PTCH1: variants seen among roughly 807,000 people sequenced by gnomAD.
PTCH1 encodes the protein protein patched homolog 1.
PTCH1 carries 14 observed loss-of-function variants against 144.6 expected under a neutral mutation model. The observed-to-expected ratio is 0.10, with a 90% confidence interval of 0.06 to 0.15. The LOEUF (loss-of-function observed/expected upper bound fraction) is 0.15, where lower values mean the gene tolerates loss of function less well. PTCH1 is among the 10% of genes least tolerant of loss of function. The probability of loss-of-function intolerance (pLI) is 1.00; values close to 1 mark genes in which losing one functional copy is unlikely to be tolerated. For missense variants in PTCH1, 1,623 were observed against 1,948.3 expected (o/e 0.83, Z 3.14); for synonymous variants, 833 against 793.6 (o/e 1.05, Z -0.83).
At chr9:95,506,194 C>G in intron 2 of PTCH1, 1 of 509,324 alleles carries the variant, frequency 2.0e-6, no homozygotes, top group Non-Finnish European at 3.3e-6. Context: ...CACCACACCT[C>G]GGCCGGCGCA....
chr9:95,455,710 C>T (rs1838853349), intron 19 of PTCH1, among the ~76,000 whole-genome samples: 1 of 152,180 alleles, frequency 6.6e-6, no homozygotes, highest in Non-Finnish European at 1.5e-5. Context: ...AATGTAGAGG[C>T]TGGGAGGTCT....
At chr9:95,495,325 C>A (rs1226441196) in intron 2 of PTCH1, 1 of 152,070 alleles carries the variant, frequency 6.6e-6, no homozygotes, top group Non-Finnish European at 1.5e-5. Flanking sequence ...ACCTCAAGTG[C>A]AAAATGTATA....
chr9:95,506,654 C>T lies in PTCH1; in HGVS notation c.202-55G>A, dbSNP rs903711647. On this transcript the variant is annotated intron_variant, in intron 1 of 23. Transcript: ENST00000331920. The stretch of plus-strand genomic sequence containing the variant: ...CGCCGGGGAGTCGCGGCCCGCGCGC[C>T]CACGCCCGCTTGCGCGCACCCGCCC... The T allele has an allele frequency of 3.0e-6, 4 of 1,345,082 alleles. No individual in the cohort carries two copies. The Admixed American group carries it at 6.8e-5, about 23-fold the overall frequency. 83.3% of individuals were successfully genotyped at this position (1,345,082 alleles called of 1,614,324 possible). A position where few individuals can be genotyped will look rare whatever the true frequency, so the allele number is the denominator to read the frequency against.
intron 16 of PTCH1, among the ~76,000 whole-genome samples, chr9:95,460,690 C>A (rs549184803): frequency 1.3e-5 from 2 of 152,298 alleles, no homozygotes; most frequent in Non-Finnish European, 2.9e-5. Context: ...CTCAACACAT[C>A]CCTGGAATCA....
intron 12 of PTCH1, among the ~76,000 whole-genome samples, chr9:95,471,416 T>C (rs193059805): frequency 7.0e-4 from 107 of 152,348 alleles, no homozygotes; most frequent in African/African-American, 2.2e-3. Flanking sequence ...ATATGAAGCA[T>C]GTTAGCTTAC....
At chr9:95,477,814 C>CA in intron 9 of PTCH1, 112 bp from the exon 10 acceptor site, 1 of 1,506,320 alleles carries the variant, frequency 6.6e-7, no homozygotes, top group Non-Finnish European at 9.0e-7. Context: ...ACTTATCCAA[C>CA]AACAACAAAA....
upstream of PTCH1, among the ~76,000 whole-genome samples, chr9:95,510,191 A>G (rs1173022251): frequency 6.6e-6 from 1 of 152,232 alleles, no homozygotes; most frequent in Admixed American, 6.5e-5. Context: ...TTGAGAGAGT[A>G]AAGTTTTCCT....
chr9:95,500,498 G>A (rs1843078995), intron 2 of PTCH1, among the ~76,000 whole-genome samples: 1 of 152,202 alleles, frequency 6.6e-6, no homozygotes, highest in South Asian at 2.1e-4. Flanking sequence ...CCAGGGAGCA[G>A]AAAGGAGCTG....
chr9:95,490,668 A>G (rs57305472), intron 2 of PTCH1, among the ~76,000 whole-genome samples: 12,848 of 152,154 alleles, frequency 0.084, 1,041 homozygotes, highest in African/African-American at 0.2. Flanking sequence ...GGTAAAAAAG[A>G]TTAATCTGAT....
intron 2 of PTCH1, among the ~76,000 whole-genome samples, chr9:95,486,716 G>A (rs1481233815): frequency 6.6e-6 from 1 of 152,262 alleles, no homozygotes; most frequent in Non-Finnish European, 1.5e-5. Context: ...TCAACACTGT[G>A]ACTGCCAAAT....
At chr9:95,475,200 C>T (rs559391821) in intron 12 of PTCH1, among the ~76,000 whole-genome samples, 3 of 152,314 alleles carry the variant, frequency 2.0e-5, no homozygotes, top group African/African-American at 7.2e-5. Context: ...GCAGAACGGA[C>T]TACAGCTCTA....
In PTCH1 at chr9:95,508,487, G is replaced by C. The variant is rs2118912179; in HGVS notation, c.-126C>G. The stretch of plus-strand genomic sequence containing the variant: ...GCTTGCGAGGACGCTGCTGGCCGCA[G>C]GCTGCTCGGGCTCGGGCTCCGGTTG... On this transcript the variant is annotated 5_prime_UTR_variant, in exon 1 of 24. Coordinates refer to ENST00000331920, the MANE Select transcript of PTCH1 (RefSeq NM_000264.5). 9.8e-7 allele frequency: 1 copy of C among 1,020,470 alleles called. No homozygotes were observed. Among genetic ancestry groups the C allele is most frequent in the East Asian group, 8.6e-5 (1 of 11,690 alleles). 63.2% of individuals were successfully genotyped at this position (1,020,470 alleles called of 1,614,324 possible). A position where few individuals can be genotyped will look rare whatever the true frequency, so the allele number is the denominator to read the frequency against.
In PTCH1 at chr9:95,449,204, C is replaced by A; in HGVS notation, c.3669G>T (p.Ser1223=). 1.2e-6 allele frequency: 2 copies of A among 1,606,112 alleles called. No homozygotes were observed. Among genetic ancestry groups the A allele is most frequent in the East Asian group, 2.2e-5 (1 of 44,626 alleles). ...ACACTGTCGTCTGGGAACTATACTC[C>A]GAGTCGGAGGAATCAGACCCGCTGT... ...HTHSGSDSSD[S]EYSSQTTVSG... Residue 1223 remains serine (S), a synonymous_variant, in exon 22 of 24, where the codon TCG becomes TCT. Coordinates refer to ENST00000331920, the MANE Select transcript of PTCH1 (RefSeq NM_000264.5). This position sits in a 1 kb window ranked among gnomAD's most constrained non-coding sequence, Gnocchi z 5.3.
At chr9:95,469,236 G>T (rs2118070568) in intron 13 of PTCH1, 83 bp from the exon 14 acceptor site, 1 of 1,554,518 alleles carries the variant, frequency 6.4e-7, no homozygotes. Flanking sequence ...ACTGTGTACG[G>T]AGAATACCCA....
At chr9:95,510,157 A>C (rs1844075451), upstream of PTCH1, among the ~76,000 whole-genome samples, 1 of 152,248 alleles carries the variant, frequency 6.6e-6, no homozygotes, top group African/African-American at 2.4e-5. Flanking sequence ...TTTTTTTACA[A>C]CTTAGAGAAA....
rs1844383228 is a variant in PTCH1, at chr9:95,516,729, TA to T, written c.-259del. 2 of 1,612,858 alleles carry T rather than the reference TA, an allele frequency of 1.2e-6. No individual in the cohort carries two copies. The highest frequency in any genetic ancestry group is 1.3e-5 in the African/African-American group (1 of 74,710). Reference sequence around the variant, plus strand: ...GTCTTTACAAAAGGAACGGAAAGTGTAAAAACCCCGGCGCGCTGGGCCGCCG... The same window carrying T: ...GTCTTTACAAAAGGAACGGAAAGTGTAAAACCCCGGCGCGCTGGGCCGCCG... On this transcript the variant is annotated 5_prime_UTR_variant, in exon 1 of 23. Coordinates refer to the PTCH1 transcript ENST00000430669.
intron 12 of PTCH1, among the ~76,000 whole-genome samples, chr9:95,475,066 T>C (rs1840908672): frequency 6.6e-6 from 1 of 152,188 alleles, no homozygotes; most frequent in African/African-American, 2.4e-5. Flanking sequence ...CCAGGCCACT[T>C]TGCGCTCAGG....
At position 95,482,165 on chromosome 9, in the gene PTCH1, T is replaced by G. The variant is rs2118473498; in HGVS notation, c.623A>C (p.Glu208Ala). 6.2e-7 allele frequency: 1 copy of G among 1,614,062 alleles called. No homozygotes were observed. The highest frequency in any genetic ancestry group is 1.7e-5 in the Admixed American group (1 of 60,002). Residue 208 changes from glutamate to alanine, a missense_variant, in exon 4 of 24, where the codon GAG becomes GCG. Physicochemically the swap from Glu to Ala is moderately radical, Grantham distance 107. This residue lies in a region of PTCH1 where 39 missense variants were observed against 75.6 expected (regional missense o/e 0.52). Transcript: ENST00000331920. ...CATGTAACCTGTTTCTGTGATAAGC[T>G]CTCCTGATTTGTAACACAAATGTTC... Reference protein sequence around the residue: ...KLEHLCYKSGELITETGYMDQ... With the variant: ...KLEHLCYKSGALITETGYMDQ...
chr9:95,489,032 C>T (rs1165111215), intron 2 of PTCH1, among the ~76,000 whole-genome samples: 1 of 152,122 alleles, frequency 6.6e-6, no homozygotes, highest in African/African-American at 2.4e-5. Flanking sequence ...GAATCAGCTC[C>T]CTCTCGGGTA....
Sources: gnomAD v4.1 joint callset for allele counts (sites outside exome capture counted in the v4.1 genomes callset) on GRCh38, gnomAD v4.1.1 for gene constraint, gnomAD v4.1.1 regional missense constraint, Gnocchi (gnomAD v3.1) non-coding constraint, MANE v1.5 for transcripts, NCBI Gene and HGNC (gene_info 2026-07-23, HGNC 2026-07-21) for gene names.